The following DNMBP variants were observed in gnomAD, a reference collection of about 807,000 sequenced individuals.
DNMBP encodes dynamin-binding protein.
DNMBP carries 87 observed loss-of-function variants against 150.0 expected under a neutral mutation model. The observed-to-expected ratio is 0.58, with a 90% confidence interval of 0.49 to 0.69. DNMBP has a LOEUF of 0.69. Ranked by LOEUF, DNMBP falls within the 30% of genes least tolerant of loss-of-function variation. DNMBP has a pLI of 0.00. For synonymous variants in DNMBP, 711 were observed against 750.4 expected, an observed-to-expected ratio of 0.95 and a Z score of 0.86; for missense variants, 1,774 against 1,949.0, an observed-to-expected ratio of 0.91 and a Z score of 1.69.
chr10:99,956,126 C>G lies in DNMBP; in HGVS notation c.1348G>C (p.Glu450Gln), dbSNP rs1453343035. Residue 450 changes from glutamate to glutamine, a missense_variant, in exon 4 of 17, where the codon GAA (glutamate) becomes CAA (glutamine). This residue lies in a region of DNMBP where 1,430 missense variants were observed against 1,492.5 expected (regional missense o/e 0.96). Coordinates refer to ENST00000324109, the MANE Select transcript of DNMBP (RefSeq NM_015221.4). Reference sequence around the variant, plus strand: ...CTGGCATAGTCTCTAGTCCTTGCTTCTAGGGGAAGAAGGTCGGGGTACTGT... The same window carrying G: ...CTGGCATAGTCTCTAGTCCTTGCTTGTAGGGGAAGAAGGTCGGGGTACTGT... ...SEQYPDLLPLEARTRDYASLP... is the reference protein window; with the variant it reads ...SEQYPDLLPLQARTRDYASLP... 4 of 1,614,120 alleles carry G rather than the reference C, an allele frequency of 2.5e-6. No homozygotes were observed. Among genetic ancestry groups the G allele is most frequent in the Non-Finnish European group, 2.5e-6 (3 of 1,180,020 alleles).
intron 4 of DNMBP, among the ~76,000 whole-genome samples, chr10:99,931,908 T>G (rs1312394746): frequency 6.6e-6 from 1 of 152,226 alleles, no homozygotes; most frequent in African/African-American, 2.4e-5. Flanking sequence ...GAACAGTGAC[T>G]TCTAGGAGAA....
intron 11 of DNMBP, among the ~76,000 whole-genome samples, chr10:99,890,376 C>T (rs2039538169): frequency 6.6e-6 from 1 of 152,170 alleles, no homozygotes. Context: ...CAAAACTATT[C>T]AACATTTTCT....
At chr10:100,005,779 A>AC (rs2041063331) in intron 1 of DNMBP, among the ~76,000 whole-genome samples, 1 of 69,434 alleles carries the variant, frequency 1.4e-5, no homozygotes, top group Non-Finnish European at 3.4e-5. Flanking sequence ...AAAAAAAAAA[A>AC]AAAAACCAAA....
intron 4 of DNMBP, among the ~76,000 whole-genome samples, chr10:99,933,009 T>A (rs948045799): frequency 5.3e-5 from 8 of 149,796 alleles, no homozygotes; most frequent in Non-Finnish European, 1.0e-4. Flanking sequence ...AACAGGGGCA[T>A]TGAGGCAGAA....
At chr10:99,938,389 CA>C (rs1183605229) in intron 4 of DNMBP, among the ~76,000 whole-genome samples, 1 of 151,916 alleles carries the variant, frequency 6.6e-6, no homozygotes, top group South Asian at 2.1e-4. Context: ...ACTAAAAATA[CA>C]AAAAATTAGC....
intron 12 of DNMBP, among the ~76,000 whole-genome samples, chr10:99,888,119 G>A (rs761638937): frequency 3.9e-5 from 6 of 151,932 alleles, no homozygotes; most frequent in Admixed American, 2.0e-4. Flanking sequence ...CACCATGCCC[G>A]GACTTAAAGT....
chr10:99,907,565 G>C (rs2039842307), intron 6 of DNMBP, among the ~76,000 whole-genome samples: 1 of 151,852 alleles, frequency 6.6e-6, no homozygotes, highest in South Asian at 2.1e-4. Context: ...ACCACGCCCA[G>C]CTCTATTTTT....
At chr10:99,976,516 T>C (rs1396943347) in intron 1 of DNMBP, among the ~76,000 whole-genome samples, 1 of 152,198 alleles carries the variant, frequency 6.6e-6, no homozygotes, top group Non-Finnish European at 1.5e-5. Context: ...CCTTGCTATA[T>C]TGCTGTTTAT....
At chr10:99,961,975 G>T (rs1183712150) in intron 3 of DNMBP, among the ~76,000 whole-genome samples, 1 of 149,040 alleles carries the variant, frequency 6.7e-6, no homozygotes, top group Non-Finnish European at 1.5e-5. Context: ...TTCCACACAA[G>T]GAGGTTTTTA....
chr10:99,968,740 G>A (rs1014986909), intron 3 of DNMBP, among the ~76,000 whole-genome samples: 2 of 150,848 alleles, frequency 1.3e-5, no homozygotes, highest in Non-Finnish European at 2.9e-5. Context: ...TGTGGCTATA[G>A]CATGGGGGCA....
chr10:99,901,637 TATG>T (rs1312130286), intron 6 of DNMBP, among the ~76,000 whole-genome samples: 3 of 152,160 alleles, frequency 2.0e-5, no homozygotes, highest in Admixed American at 2.0e-4. Context: ...CCTGGCTTAC[TATG>T]ATGACTCTTC....
rs2040268509 is a variant in DNMBP at position 99,939,268 on chromosome 10, A to G, written c.2260+15946T>C. ...CATTCTGATTCCTACAGTTCTTGCT[A>G]TTTTCCAGAGAACCTTGCAAATATC... On this transcript the variant is annotated intron_variant, in intron 4 of 16. Transcript: ENST00000324109. 1.3e-5 allele frequency among the ~76,000 whole-genome samples: 2 copies of G among 152,074 alleles called. 1 individual carries two copies. Among genetic ancestry groups the G allele is most frequent in the Admixed American group, 1.3e-4 (2 of 15,268 alleles).
At chr10:100,001,958 G>A (rs553418245) in intron 1 of DNMBP, among the ~76,000 whole-genome samples, 17 of 152,224 alleles carry the variant, frequency 1.1e-4, no homozygotes, top group Admixed American at 1.3e-4. Context: ...TGTGCACGGA[G>A]GCTCCCTCAG....
At position 99,914,078 on chromosome 10, in the gene DNMBP, T is replaced by TC. The variant is rs569274068; in HGVS notation, c.2261-4933dup. The TC allele has an allele frequency of 1.9e-4, 268 of 1,416,622 alleles. 1 individual carries two copies. The African/African-American group carries it at 3.7e-3, about 20-fold the overall frequency. 87.8% of individuals were successfully genotyped at this position (1,416,622 alleles called of 1,614,324 possible). ...AACTCCTTTGAATAGGGTCGGCATTTCCCCCAGGCTTCCCACATTTACATA... is the reference window on the plus strand; with the variant it reads ...AACTCCTTTGAATAGGGTCGGCATTTCCCCCCAGGCTTCCCACATTTACATA... On this transcript the variant is annotated intron_variant, in intron 4 of 16. Coordinates refer to ENST00000324109, the MANE Select transcript of DNMBP (RefSeq NM_015221.4).
chr10:99,916,571 T>G (rs1234079469), intron 4 of DNMBP, among the ~76,000 whole-genome samples: 1 of 152,220 alleles, frequency 6.6e-6, no homozygotes, highest in African/African-American at 2.4e-5. Context: ...AGGCCAATTT[T>G]ATTAAGTCTT....
rs373668303 is a variant in DNMBP, at chr10:99,886,338, C to T, written c.3580G>A (p.Val1194Met). ...TTTAATTGCTCCAGAGCCTGGTGCACAAAGTCACAGTGGGCTTCAGCATAG... is the reference window on the plus strand; with the variant it reads ...TTTAATTGCTCCAGAGCCTGGTGCATAAAGTCACAGTGGGCTTCAGCATAG... ...HGYAEAHCDF[V>M]HQALEQLKPL... is the part of the protein sequence containing the mutation. Residue 1194 changes from valine (V) to methionine (M), a missense_variant, in exon 13 of 17, where the codon GTG (valine) becomes ATG (methionine). Physicochemically the swap from Val to Met is conservative, Grantham distance 21. Transcript: ENST00000324109. 6 of 1,613,872 alleles carry T rather than the reference C, an allele frequency of 3.7e-6. No individual in the cohort carries two copies. The highest frequency in any genetic ancestry group is 5.1e-6 in the Non-Finnish European group (6 of 1,179,894).
At chr10:99,941,968 T>C (rs1306514773) in intron 4 of DNMBP, among the ~76,000 whole-genome samples, 1 of 152,216 alleles carries the variant, frequency 6.6e-6, no homozygotes. Flanking sequence ...CTTCTGTCTA[T>C]TCTCTTCTGT....
intron 6 of DNMBP, among the ~76,000 whole-genome samples, chr10:99,901,441 T>TA (rs2039736661): frequency 6.6e-6 from 1 of 152,194 alleles, no homozygotes; most frequent in South Asian, 2.1e-4. Context: ...CTATGTGACT[T>TA]ATTCCCTACA....
In DNMBP at chr10:99,880,088, G is replaced by A. The variant is rs113576651; in HGVS notation, c.4271C>T (p.Pro1424Leu). 8.1e-4 allele frequency: 1,306 copies of A among 1,614,156 alleles called. No homozygotes were observed. Among genetic ancestry groups the A allele is most frequent in the East Asian group, 6.1e-3 (276 of 44,884 alleles). Residue 1424 changes from proline to leucine, a missense_variant, in exon 16 of 17, where the codon CCG (proline) becomes CTG (leucine). Around this residue, in one of 2 missense-constraint regions of DNMBP, gnomAD observed 1,430 missense variants for 1,492.5 expected, o/e 0.96. Transcript: ENST00000324109. ...DQGTLSASLN[P>L]SNSESSPSRC... is the part of the protein sequence containing the mutation. ...GGAAGGACTACTCTCTGAATTACTC[G>A]GATTTAGGGATGCACTGAGAGTTCC...
Sources: allele counts gnomAD v4.1 joint callset (sites outside exome capture counted in the v4.1 genomes callset), GRCh38; gene constraint gnomAD v4.1.1; regional missense constraint gnomAD v4.1.1; transcripts MANE v1.5; gene names NCBI Gene and HGNC (gene_info 2026-07-23, HGNC 2026-07-21).